Variants in SPTBN1 observed in about 807,000 individuals in gnomAD.
SPTBN1 encodes spectrin beta chain, non-erythrocytic 1.
SPTBN1 carries 32 observed loss-of-function variants against 266.4 expected under a neutral mutation model. The ratio of observed to expected loss-of-function variants is 0.12; its 90% CI spans 0.09 to 0.16. SPTBN1 has a LOEUF of 0.16. SPTBN1 is among the 10% of genes least tolerant of loss of function. The pLI is 1.00. For synonymous variants in SPTBN1, 1,336 were observed against 1,162.2 expected (o/e 1.15, Z -3.04); for missense variants, 2,296 against 3,067.1 (o/e 0.75, Z 5.94).
chr2:54,494,058 A>G (rs1044487044), intron 1 of SPTBN1, among the ~76,000 whole-genome samples: 2 of 152,244 alleles, frequency 1.3e-5, no homozygotes, highest in Non-Finnish European at 2.9e-5. Flanking sequence ...AATGCAATTA[A>G]TGGTGCTACC....
chr2:54,457,814 G>A (rs1030688436), intron 1 of SPTBN1, among the ~76,000 whole-genome samples: 2 of 152,228 alleles, frequency 1.3e-5, no homozygotes, highest in African/African-American at 2.4e-5. Context: ...GTGTGAGCAG[G>A]GGAGAGTCTT....
chr2:54,648,898 C>A (rs1414015629), intron 24 of SPTBN1, 88 bp from the exon 25 acceptor site: 2 of 1,210,478 alleles, frequency 1.7e-6, no homozygotes, highest in African/African-American at 1.5e-5. Flanking sequence ...AATATGCTCT[C>A]CCATTATCTC....
intron 28 of SPTBN1, among the ~76,000 whole-genome samples, chr2:54,655,409 A>G (rs1379066054): frequency 6.6e-6 from 1 of 152,216 alleles, no homozygotes; most frequent in African/African-American, 2.4e-5. Context: ...CTGGCACAGA[A>G]GACAATTTTT....
At chr2:54,639,935 C>CT (rs1679416926) in intron 18 of SPTBN1, among the ~76,000 whole-genome samples, 1 of 152,164 alleles carries the variant, frequency 6.6e-6, no homozygotes, top group Admixed American at 6.5e-5. Flanking sequence ...CCTGTCTTCC[C>CT]TTGTCCTGCC....
chr2:54,578,156 T>C (rs1674615804), intron 2 of SPTBN1, among the ~76,000 whole-genome samples: 1 of 152,218 alleles, frequency 6.6e-6, no homozygotes, highest in African/African-American at 2.4e-5. Flanking sequence ...GAATAAACTG[T>C]ACTGGCACTG....
intron 2 of SPTBN1, among the ~76,000 whole-genome samples, chr2:54,585,606 C>T (rs1425186224): frequency 1.3e-5 from 2 of 152,200 alleles, no homozygotes; most frequent in African/African-American, 2.4e-5. Flanking sequence ...ATAACTTTCT[C>T]TTTTACATGT....
chr2:54,529,756 G>C, intron 2 of SPTBN1: 2 of 639,284 alleles, frequency 3.1e-6, no homozygotes, highest in African/African-American at 1.8e-5. Context: ...TGTTCCACTG[G>C]CTCCTGATTA....
intron 1 of SPTBN1, among the ~76,000 whole-genome samples, chr2:54,492,372 T>C (rs1251854617): frequency 7.0e-6 from 1 of 143,634 alleles, no homozygotes; most frequent in African/African-American, 2.6e-5. Context: ...TTTGCTACTA[T>C]AGAAAAGCAC....
intron 2 of SPTBN1, among the ~76,000 whole-genome samples, chr2:54,569,319 A>G (rs974483298): frequency 6.6e-5 from 10 of 152,190 alleles, no homozygotes; most frequent in African/African-American, 2.2e-4. Context: ...GTTGAAGGTT[A>G]TTAATGGACT....
chr2:54,515,405 A>G (rs1389165732), intron 1 of SPTBN1, among the ~76,000 whole-genome samples: 8 of 152,224 alleles, frequency 5.3e-5, no homozygotes. Flanking sequence ...ACAGTGGGTG[A>G]GGTGAAACTG....
At position 54,578,768 on chromosome 2, in the gene SPTBN1, G is replaced by GTT. The variant is rs71408773; in HGVS notation, c.149-20323_149-20322insTT. Among the ~76,000 whole-genome samples the GTT allele has an allele frequency of 1.3e-4, 19 of 151,986 alleles. No individual in the cohort carries two copies. In the South Asian group the frequency reaches 3.9e-3, roughly 32 times the overall value. ...TGATGGGGTGTGTGTGTGTGTGTGT[G>GTT]TGTGTGTGTGATGATAATTCTGATG... On this transcript the variant is annotated intron_variant, in intron 2 of 35. Transcript: ENST00000356805.
chr2:54,634,872 A>G (rs1679013183), intron 17 of SPTBN1, among the ~76,000 whole-genome samples: 1 of 152,194 alleles, frequency 6.6e-6, no homozygotes. Flanking sequence ...GTGAGTGGGA[A>G]GAGACTGTCC....
chr2:54,503,276 T>G (rs1334444777), intron 1 of SPTBN1, among the ~76,000 whole-genome samples: 1 of 152,234 alleles, frequency 6.6e-6, no homozygotes, highest in Non-Finnish European at 1.5e-5. Context: ...GGCCCATCTT[T>G]CAGCACACTA....
chr2:54,498,484 GC>G (rs1669087274), intron 1 of SPTBN1, among the ~76,000 whole-genome samples: 1 of 152,106 alleles, frequency 6.6e-6, no homozygotes, highest in South Asian at 2.1e-4. Context: ...AGCGCTTTAT[GC>G]CACAGTTTTC....
chr2:54,529,254 C>A, intron 2 of SPTBN1: 1 of 395,690 alleles, frequency 2.5e-6, no homozygotes. Context: ...TTTGAGACCA[C>A]TTCATCTGGA....
chr2:54,492,034 T>C (rs1182494107), intron 1 of SPTBN1, among the ~76,000 whole-genome samples: 1 of 152,314 alleles, frequency 6.6e-6, no homozygotes. Flanking sequence ...TTTTAAGAGC[T>C]TTTAACAAGA....
In SPTBN1 at chr2:54,533,864, T is replaced by C. The variant is rs1671419586; in HGVS notation, c.148+7298T>C. 1.3e-5 allele frequency among the ~76,000 whole-genome samples: 2 copies of C among 151,760 alleles called. No homozygotes were observed. The highest frequency in any genetic ancestry group is 1.3e-4 in the Admixed American group (2 of 15,248). The stretch of plus-strand genomic sequence containing the variant: ...CCACGCCCGGCCTGCTGTAGTAATT[T>C]AGGGGGAAAGATTGATCTCTCTCTC... On this transcript the variant is annotated intron_variant, in intron 2 of 35. Transcript: ENST00000356805. The surrounding 1 kb of genome is among the most constrained non-coding windows in gnomAD (Gnocchi z 4.2).
intron 2 of SPTBN1, among the ~76,000 whole-genome samples, chr2:54,580,978 A>G (rs1247644948): frequency 6.6e-6 from 1 of 151,924 alleles, no homozygotes; most frequent in Non-Finnish European, 1.5e-5. Flanking sequence ...CACACGTGTA[A>G]TCCCAGCTAC....
At chr2:54,613,371 A>G (rs908945901) in intron 4 of SPTBN1, among the ~76,000 whole-genome samples, 2 of 152,250 alleles carry the variant, frequency 1.3e-5, no homozygotes, top group East Asian at 3.8e-4. Flanking sequence ...AAATCAAATT[A>G]TAACTTGCTT....
Sources: allele counts gnomAD v4.1 joint callset (sites outside exome capture counted in the v4.1 genomes callset), GRCh38; gene constraint gnomAD v4.1.1; non-coding constraint Gnocchi (gnomAD v3.1); transcripts MANE v1.5; gene names NCBI Gene and HGNC (gene_info 2026-07-23, HGNC 2026-07-21).